The following ZBTB7C variants were observed in gnomAD, a reference collection of about 807,000 sequenced individuals.
ZBTB7C encodes zinc finger and BTB domain-containing protein 7C.
In ZBTB7C, 8 loss-of-function variants were observed where a neutral mutation model predicts 25.7. The observed-to-expected ratio is 0.31, with a 90% confidence interval of 0.18 to 0.56. The LOEUF (loss-of-function observed/expected upper bound fraction) is 0.56. Among genes scored for constraint, ZBTB7C ranks in the 20% least tolerant of loss-of-function variants. ZBTB7C has a pLI of 0.91. For synonymous variants in ZBTB7C, 394 were observed against 369.0 expected (o/e 1.07, Z -0.78); for missense variants, 824 against 855.2 (o/e 0.96, Z 0.46).
At chr18:48,350,295 G>C (rs981983103) in intron 1 of ZBTB7C, among the ~76,000 whole-genome samples, 1 of 152,168 alleles carries the variant, frequency 6.6e-6, no homozygotes, top group African/African-American at 2.4e-5. Flanking sequence ...CAAGCCTCCA[G>C]GGGCTGCCTG....
intron 1 of ZBTB7C, among the ~76,000 whole-genome samples, chr18:48,376,096 G>A (rs2047512779): frequency 6.6e-6 from 1 of 152,226 alleles, no homozygotes; most frequent in Non-Finnish European, 1.5e-5. Context: ...CAGCTCCCAG[G>A]TGATGTGGAT....
At chr18:48,389,232 C>CGTGTG (rs2047831207) in intron 1 of ZBTB7C, among the ~76,000 whole-genome samples, 11 of 61,880 alleles carry the variant, frequency 1.8e-4, no homozygotes, top group African/African-American at 4.0e-4. Flanking sequence ...CTCTCTCTCT[C>CGTGTG]TCTCGTGTGT....
intron 3 of ZBTB7C, among the ~76,000 whole-genome samples, chr18:48,078,015 G>A (rs1360829799): frequency 6.6e-5 from 10 of 152,264 alleles, no homozygotes; most frequent in African/African-American, 2.4e-4. Flanking sequence ...TCTGTTGCAT[G>A]AAGGAACAAG....
At chr18:48,302,271 G>A (rs552079257) in intron 2 of ZBTB7C, among the ~76,000 whole-genome samples, 1 of 152,346 alleles carries the variant, frequency 6.6e-6, no homozygotes, top group South Asian at 2.1e-4. Context: ...TTCAGGAGAG[G>A]ATAGGGCTGT....
intron 3 of ZBTB7C, among the ~76,000 whole-genome samples, chr18:48,062,697 C>A (rs2037171630): frequency 6.6e-6 from 1 of 152,150 alleles, no homozygotes; most frequent in Non-Finnish European, 1.5e-5. Flanking sequence ...TGAGAGCATC[C>A]AAAGGCTAAA....
intron 3 of ZBTB7C, among the ~76,000 whole-genome samples, chr18:48,163,511 A>G (rs1199541625): frequency 6.6e-6 from 1 of 152,188 alleles, no homozygotes; most frequent in East Asian, 1.9e-4. Context: ...GTGGGGCTTA[A>G]CAGTGGGACA....
At chr18:48,078,225 A>T (rs1036188337) in intron 3 of ZBTB7C, among the ~76,000 whole-genome samples, 5 of 152,200 alleles carry the variant, frequency 3.3e-5, no homozygotes, top group African/African-American at 1.2e-4. Context: ...CCTGCAATAT[A>T]TCAGGTCCTG....
At chr18:48,139,872 C>G (rs2040289649) in intron 3 of ZBTB7C, among the ~76,000 whole-genome samples, 2 of 152,304 alleles carry the variant, frequency 1.3e-5, no homozygotes, top group South Asian at 2.1e-4. Flanking sequence ...CCTTTTGGGC[C>G]TGGATTCCTT....
At chr18:48,346,354 C>T (rs2046730309) in intron 1 of ZBTB7C, among the ~76,000 whole-genome samples, 1 of 152,252 alleles carries the variant, frequency 6.6e-6, no homozygotes, top group Non-Finnish European at 1.5e-5. Flanking sequence ...CTATCCACCC[C>T]TTCCTCATAG....
At chr18:48,286,281 C>T (rs906792396) in intron 2 of ZBTB7C, among the ~76,000 whole-genome samples, 2 of 149,344 alleles carry the variant, frequency 1.3e-5, no homozygotes, top group African/African-American at 5.0e-5. Flanking sequence ...AGTTCTTTGT[C>T]AGCTGGAATC....
intron 3 of ZBTB7C, among the ~76,000 whole-genome samples, chr18:48,184,248 C>T (rs139317570): frequency 1.6e-4 from 24 of 152,288 alleles, no homozygotes; most frequent in East Asian, 7.7e-4. Flanking sequence ...AACTGGACCC[C>T]GTGGCGCAGC....
In ZBTB7C at chr18:48,040,015, G is replaced by T; in HGVS notation, c.1093C>A (p.Gln365Lys). 1 of 1,614,116 alleles carries T rather than the reference G, an allele frequency of 6.2e-7. No homozygotes were observed. The highest frequency in any genetic ancestry group is 8.5e-7 in the Non-Finnish European group (1 of 1,180,030). Residue 365 changes from glutamine to lysine, a missense_variant, in exon 4 of 5, where the codon CAG becomes AAG. By Grantham distance (53) the Gln-to-Lys change is moderately conservative (BLOSUM62 1). Transcript: ENST00000590800. ...ATGACTTTGTGGCAGATGGGGCACT[G>T]CTGAGAGGCCTTGGGCTTCAGCTTG... Reference protein sequence around the residue: ...ERKLKPKASQQCPICHKVIMG... With the variant: ...ERKLKPKASQKCPICHKVIMG...
At chr18:48,141,455 G>A (rs570407573) in intron 3 of ZBTB7C, among the ~76,000 whole-genome samples, 18 of 152,260 alleles carry the variant, frequency 1.2e-4, no homozygotes. Flanking sequence ...CCCCAGGCAG[G>A]TATGTGTGGT....
At chr18:48,304,866 T>C (rs939022171) in intron 2 of ZBTB7C, among the ~76,000 whole-genome samples, 1 of 116,410 alleles carries the variant, frequency 8.6e-6, no homozygotes, top group Non-Finnish European at 1.9e-5. Context: ...AAAAAAAAGA[T>C]AGCCTTGTTA....
intron 2 of ZBTB7C, among the ~76,000 whole-genome samples, chr18:48,189,010 C>T (rs1206695216): frequency 1.3e-5 from 2 of 152,190 alleles, no homozygotes; most frequent in Non-Finnish European, 2.9e-5. Context: ...TCTAATAAGT[C>T]CCTGAAAGGA....
chr18:48,341,876 G>A (rs2046609586), intron 1 of ZBTB7C, among the ~76,000 whole-genome samples: 1 of 152,222 alleles, frequency 6.6e-6, no homozygotes. Context: ...GGGAGATGGA[G>A]AGAAACCCTG....
intron 4 of ZBTB7C, among the ~76,000 whole-genome samples, chr18:48,035,569 C>A (rs569594239): frequency 6.6e-6 from 1 of 152,356 alleles, no homozygotes; most frequent in East Asian, 1.9e-4. Flanking sequence ...TCACAGGGCC[C>A]AGGGCCAGGC....
At chr18:48,214,601 G>A (rs2042780388) in intron 2 of ZBTB7C, among the ~76,000 whole-genome samples, 1 of 152,112 alleles carries the variant, frequency 6.6e-6, no homozygotes, top group East Asian at 1.9e-4. Context: ...CATGCTAAAG[G>A]AAACTCCCAC....
At chr18:48,226,119 G>A (rs2043085515) in intron 2 of ZBTB7C, among the ~76,000 whole-genome samples, 1 of 152,160 alleles carries the variant, frequency 6.6e-6, no homozygotes, top group African/African-American at 2.4e-5. Context: ...GCTGAACAAA[G>A]ACATGAGAGC....
Sources: allele counts gnomAD v4.1 joint callset (sites outside exome capture counted in the v4.1 genomes callset), GRCh38; gene constraint gnomAD v4.1.1; transcripts MANE v1.5; gene names NCBI Gene and HGNC (gene_info 2026-07-23, HGNC 2026-07-21).